BACH2: variants seen among roughly 807,000 people sequenced by gnomAD.
The protein encoded by BACH2 is BACH transcriptional regulator 2.
Under a neutral mutation model 61.8 loss-of-function variants are expected in BACH2, and 5 were observed. That is an observed-to-expected ratio of 0.08 (90% CI 0.04 to 0.17). The LOEUF (loss-of-function observed/expected upper bound fraction) is 0.17, where lower values mean the gene tolerates loss of function less well. Ranked by LOEUF, BACH2 falls within the 10% of genes least tolerant of loss-of-function variation. The probability of loss-of-function intolerance (pLI) is 1.00; values close to 1 mark genes in which losing one functional copy is unlikely to be tolerated. For synonymous variants in BACH2, 446 were observed against 440.1 expected, an observed-to-expected ratio of 1.01 and a Z score of -0.17; for missense variants, 824 against 1,091.1, an observed-to-expected ratio of 0.76 and a Z score of 3.45.
chr6:90,231,484 C>T (rs533707437), intron 3 of BACH2, among the ~76,000 whole-genome samples: 4 of 152,310 alleles, frequency 2.6e-5, no homozygotes, highest in African/African-American at 9.6e-5. Flanking sequence ...GTTACCAAAG[C>T]GTTCTCCAAC....
chr6:90,257,210 G>C (rs974452233), intron 2 of BACH2, among the ~76,000 whole-genome samples: 20 of 152,180 alleles, frequency 1.3e-4, no homozygotes, highest in Admixed American at 3.9e-4. Flanking sequence ...TCTTTATGAG[G>C]TGGTGATTTC....
At chr6:89,964,188 C>T (rs1774916327) in intron 6 of BACH2, among the ~76,000 whole-genome samples, 1 of 145,368 alleles carries the variant, frequency 6.9e-6, no homozygotes, top group East Asian at 2.0e-4. Flanking sequence ...CACACGTACC[C>T]TAAAACTTAA....
chr6:90,044,545 G>T (rs773671785), intron 5 of BACH2, among the ~76,000 whole-genome samples: 2 of 152,184 alleles, frequency 1.3e-5, no homozygotes, highest in Admixed American at 6.5e-5. Context: ...CACTTTAAAA[G>T]ATTCCTTTGG....
chr6:90,008,493 A>G lies in BACH2; in HGVS notation c.243+109T>C, dbSNP rs1487649352. On this transcript the variant is annotated intron_variant, in intron 6 of 8. Coordinates refer to ENST00000257749, the MANE Select transcript of BACH2 (RefSeq NM_021813.4). The surrounding 1 kb of genome is among the most constrained non-coding windows in gnomAD (Gnocchi z 4.1). Reference sequence around the variant, plus strand: ...GACCTAACATGTGACTTGGACATCAACTCCTGAGTGGGGACATGGCACCTA... The same window carrying G: ...GACCTAACATGTGACTTGGACATCAGCTCCTGAGTGGGGACATGGCACCTA... 7.2e-6 allele frequency: 10 copies of G among 1,396,690 alleles called. No homozygotes were observed. In the East Asian group the frequency reaches 9.3e-5, roughly 13 times the overall value. The allele number at this position is 1,396,690 out of a possible 1,614,324, so 86.5% of individuals were successfully genotyped here.
intron 4 of BACH2, among the ~76,000 whole-genome samples, chr6:90,095,195 T>A (rs77617629): frequency 6.6e-6 from 1 of 151,720 alleles, no homozygotes; most frequent in South Asian, 2.1e-4. Flanking sequence ...CAATTGATGT[T>A]AATTGTTAAT....
intron 4 of BACH2, among the ~76,000 whole-genome samples, chr6:90,150,696 A>G (rs928194217): frequency 2.0e-5 from 3 of 152,098 alleles, no homozygotes; most frequent in Non-Finnish European, 4.4e-5. Flanking sequence ...AGCCATGTCA[A>G]TGGGGAGTGC....
At chr6:90,176,767 A>C (rs901008807) in intron 4 of BACH2, among the ~76,000 whole-genome samples, 1 of 152,136 alleles carries the variant, frequency 6.6e-6, no homozygotes, top group African/African-American at 2.4e-5. Flanking sequence ...ATGTCTTACC[A>C]GCCCTCCTGC....
chr6:90,252,837 T>C (rs1770854782), intron 2 of BACH2, among the ~76,000 whole-genome samples: 1 of 152,198 alleles, frequency 6.6e-6, no homozygotes, highest in South Asian at 2.1e-4. Context: ...AGCAGCCTCT[T>C]GATTCAATAC....
intron 3 of BACH2, among the ~76,000 whole-genome samples, chr6:90,223,392 A>G (rs959897740): frequency 5.3e-5 from 8 of 152,226 alleles, no homozygotes; most frequent in Non-Finnish European, 8.8e-5. Context: ...TCCATAATGT[A>G]TAACTTAGAA....
chr6:90,218,601 C>G (rs990866796), intron 3 of BACH2, among the ~76,000 whole-genome samples: 1 of 151,532 alleles, frequency 6.6e-6, no homozygotes, highest in Non-Finnish European at 1.5e-5. Flanking sequence ...CAGGCCAAGT[C>G]TGGAGCCCTC....
intron 5 of BACH2, among the ~76,000 whole-genome samples, chr6:90,021,311 A>AC (rs1288063334): frequency 1.3e-5 from 2 of 151,776 alleles, no homozygotes; most frequent in Admixed American, 1.3e-4. Context: ...AAAAAAAAAA[A>AC]AAAAAACCAA....
At chr6:90,062,603 G>C (rs573334159) in intron 5 of BACH2, among the ~76,000 whole-genome samples, 11 of 152,290 alleles carry the variant, frequency 7.2e-5, no homozygotes, top group African/African-American at 2.4e-4. Context: ...CAGCTGAACT[G>C]TAATTTTCTT....
intron 4 of BACH2, among the ~76,000 whole-genome samples, chr6:90,100,002 A>C (rs1481838722): frequency 6.6e-6 from 1 of 152,044 alleles, no homozygotes; most frequent in East Asian, 1.9e-4. Context: ...CCTATTCTAC[A>C]CATTTTGTAT....
At chr6:90,135,589 G>A (rs960760881) in intron 4 of BACH2, among the ~76,000 whole-genome samples, 1 of 152,044 alleles carries the variant, frequency 6.6e-6, no homozygotes, top group Non-Finnish European at 1.5e-5. Context: ...GGTGGTACAC[G>A]CCTGTGGTCT....
chr6:90,292,934 G>A (rs1053457609), intron 1 of BACH2, among the ~76,000 whole-genome samples: 11 of 152,284 alleles, frequency 7.2e-5, no homozygotes, highest in Middle Eastern at 3.4e-3. Context: ...CTGTTCCCTA[G>A]CAAGAGTCTA....
At chr6:90,150,754 G>A (rs1169736948) in intron 4 of BACH2, among the ~76,000 whole-genome samples, 1 of 152,158 alleles carries the variant, frequency 6.6e-6, no homozygotes, top group Non-Finnish European at 1.5e-5. Context: ...GCTGGAATGG[G>A]CATGCCTTAC....
intron 5 of BACH2, among the ~76,000 whole-genome samples, chr6:90,032,179 T>C (rs1327195840): frequency 6.6e-6 from 1 of 151,756 alleles, no homozygotes; most frequent in Non-Finnish European, 1.5e-5. Flanking sequence ...CTGGATCCCT[T>C]CCTTACACCT....
intron 3 of BACH2, among the ~76,000 whole-genome samples, chr6:90,210,345 A>ACACACG (rs1769303015): frequency 6.8e-6 from 1 of 146,930 alleles, no homozygotes; most frequent in Non-Finnish European, 1.5e-5. Context: ...ACACACACAC[A>ACACACG]CACACGCACA....
intron 6 of BACH2, among the ~76,000 whole-genome samples, chr6:89,964,096 A>C (rs1774910404): frequency 6.6e-6 from 1 of 152,072 alleles, no homozygotes. Context: ...CGGGAGATAT[A>C]CCTAATGCTA....
Sources: gnomAD v4.1 joint callset for allele counts (sites outside exome capture counted in the v4.1 genomes callset) on GRCh38, gnomAD v4.1.1 for gene constraint, Gnocchi (gnomAD v3.1) non-coding constraint, MANE v1.5 for transcripts, NCBI Gene and HGNC (gene_info 2026-07-23, HGNC 2026-07-21) for gene names.